The following CDC42SE2 variants were observed in gnomAD, a reference collection of about 807,000 sequenced individuals.
CDC42SE2 encodes the protein CDC42 small effector protein 2.
A neutral mutation model predicts 11.5 loss-of-function variants in CDC42SE2; 3 were observed. The observed-to-expected ratio is 0.26, with a 90% CI of 0.12 to 0.67. CDC42SE2 has a LOEUF of 0.67. Ranked by LOEUF, CDC42SE2 falls within the 30% of genes least tolerant of loss-of-function variation. CDC42SE2 has a pLI of 0.80. For synonymous variants in CDC42SE2, 33 were observed against 34.8 expected (o/e 0.95, Z 0.18); for missense variants, 82 against 106.8 (o/e 0.77, Z 1.02).
intron 2 of CDC42SE2, among the ~76,000 whole-genome samples, chr5:131,317,326 G>T (rs1580750488): frequency 6.6e-6 from 1 of 151,994 alleles, no homozygotes; most frequent in East Asian, 1.9e-4. Flanking sequence ...TCTAATAAAT[G>T]GAATTTCACT....
chr5:131,371,837 GTGAAACAAGCAGTGTTTCAGTATT>G (rs1750019776), intron 3 of CDC42SE2, among the ~76,000 whole-genome samples: 1 of 152,230 alleles, frequency 6.6e-6, no homozygotes, highest in Non-Finnish European at 1.5e-5. Context: ...ATAAGTTACA[GTGAAACAAGCAGTGTTTCAGTATT>G]TCAGAAAGCG....
Position 131,393,820 on chromosome 5 carries a change from T to TG in CDC42SE2, c.*2729_*2730insG, listed in dbSNP as rs1336464613. On this transcript the variant is annotated 3_prime_UTR_variant, in exon 5 of 5. Coordinates refer to ENST00000505065, the MANE Select transcript of CDC42SE2 (RefSeq NM_001375635.1). ...TTTAGTCTTTTTCCAAATCGCTGTTTTTTTTTTTTTTTTTTTTTTTTTTGC... is the reference window on the plus strand; with the variant it reads ...TTTAGTCTTTTTCCAAATCGCTGTTTGTTTTTTTTTTTTTTTTTTTTTTTGC... 1 of 123,290 alleles carries TG rather than the reference T, an allele frequency of 8.1e-6. No individual in the cohort carries two copies. The highest frequency in any genetic ancestry group is 1.6e-5 in the Non-Finnish European group (1 of 61,522). The allele number at this position is 123,290 out of a possible 1,614,324, so 7.6% of individuals were successfully genotyped here. A position where few individuals can be genotyped will look rare whatever the true frequency, so the allele number is the denominator to read the frequency against.
chr5:131,374,559 G>A (rs1750097498), intron 3 of CDC42SE2, among the ~76,000 whole-genome samples: 1 of 147,676 alleles, frequency 6.8e-6, no homozygotes. Flanking sequence ...AAGTTAAGCA[G>A]ACATTGTGTG....
At chr5:131,346,383 A>G (rs535053455) in intron 2 of CDC42SE2, among the ~76,000 whole-genome samples, 41 of 152,318 alleles carry the variant, frequency 2.7e-4, no homozygotes, top group Admixed American at 2.2e-3. Flanking sequence ...CTTTAAACCA[A>G]CAAAGATCAA....
chr5:131,314,681 A>G (rs1247826530), intron 1 of CDC42SE2, among the ~76,000 whole-genome samples: 2 of 152,188 alleles, frequency 1.3e-5, no homozygotes, highest in African/African-American at 4.8e-5. Flanking sequence ...TAATTTCGTT[A>G]TCAGAGTTAG....
chr5:131,278,718 TCCCCTC>T (rs1561569809), intron 1 of CDC42SE2, among the ~76,000 whole-genome samples: 14 of 32,862 alleles, frequency 4.3e-4, no homozygotes, highest in Non-Finnish European at 5.7e-4. Flanking sequence ...TCCTCTCCCC[TCCCCTC>T]CCCCCTCCCC....
At chr5:131,368,148 G>A (rs757777016) in intron 3 of CDC42SE2, among the ~76,000 whole-genome samples, 1 of 151,680 alleles carries the variant, frequency 6.6e-6, no homozygotes, top group African/African-American at 2.4e-5. Flanking sequence ...AGCTACTCAG[G>A]AGGCTGAGGC....
chr5:131,348,688 A>G (rs1022112800), intron 2 of CDC42SE2, among the ~76,000 whole-genome samples: 3 of 152,198 alleles, frequency 2.0e-5, no homozygotes, highest in Non-Finnish European at 2.9e-5. Context: ...TGCCTAGTCA[A>G]TCCTAAGCCA....
At chr5:131,232,526 G>A in the CDC42SE2 span, among the ~76,000 whole-genome samples, 1 of 151,662 alleles carries the variant, frequency 6.6e-6, no homozygotes, top group Non-Finnish European at 1.5e-5. Context: ...TAAGATCAGG[G>A]ATTTGAGACC....
intron 1 of CDC42SE2, among the ~76,000 whole-genome samples, chr5:131,283,404 A>G (rs1374788541): frequency 6.6e-6 from 1 of 152,166 alleles, no homozygotes; most frequent in Admixed American, 6.5e-5. Flanking sequence ...ATGTAAGTGG[A>G]ATCATGCGAT....
chr5:131,216,508 A>AAAAAAAAC, the CDC42SE2 span, among the ~76,000 whole-genome samples: 2 of 146,772 alleles, frequency 1.4e-5, no homozygotes, highest in African/African-American at 5.1e-5. Context: ...TCTCAAAAAA[A>AAAAAAAAC]AAAAAAAAAA....
At chr5:131,355,199 A>G (rs778016352) in intron 2 of CDC42SE2, among the ~76,000 whole-genome samples, 1 of 152,200 alleles carries the variant, frequency 6.6e-6, no homozygotes, top group African/African-American at 2.4e-5. Flanking sequence ...ACTTTCATAT[A>G]TATTAGCTAA....
At chr5:131,257,331 A>G (rs998868055) in intron 2 of CDC42SE2, among the ~76,000 whole-genome samples, 1 of 151,884 alleles carries the variant, frequency 6.6e-6, no homozygotes, top group African/African-American at 2.4e-5. Context: ...TCCTGATCTC[A>G]AGTGATCTGT....
At chr5:131,374,168 AC>A (rs750471504) in intron 3 of CDC42SE2, among the ~76,000 whole-genome samples, 4 of 152,192 alleles carry the variant, frequency 2.6e-5, no homozygotes, top group Admixed American at 6.5e-5. Flanking sequence ...ATGAAAAAGA[AC>A]CCATACTACT....
At chr5:131,278,512 G>T (rs553620071) in intron 1 of CDC42SE2, among the ~76,000 whole-genome samples, 31 of 122,670 alleles carry the variant, frequency 2.5e-4, no homozygotes, top group Middle Eastern at 4.7e-3. Flanking sequence ...CTCCATGTGT[G>T]ACATCATGTT....
intron 2 of CDC42SE2, among the ~76,000 whole-genome samples, chr5:131,322,111 A>G (rs1306300890): frequency 6.6e-6 from 1 of 152,194 alleles, no homozygotes; most frequent in Non-Finnish European, 1.5e-5. Context: ...CGGGCTCCCA[A>G]AGTGCTGGGA....
upstream of CDC42SE2, among the ~76,000 whole-genome samples, chr5:131,241,536 G>T (rs1281702097): frequency 6.6e-6 from 1 of 152,024 alleles, no homozygotes; most frequent in African/African-American, 2.4e-5. Context: ...AAGTCAACAA[G>T]TTACAATTGC....
chr5:131,361,149 G>T (rs1229796954), intron 3 of CDC42SE2, among the ~76,000 whole-genome samples: 1 of 147,520 alleles, frequency 6.8e-6, no homozygotes, highest in Admixed American at 6.9e-5. Context: ...GTCTCATTCT[G>T]TTGCCCAGGC....
chr5:131,223,817 C>T, the CDC42SE2 span, among the ~76,000 whole-genome samples: 1 of 152,180 alleles, frequency 6.6e-6, no homozygotes. Context: ...CTCAACTTTT[C>T]CTTTACCACT....
Sources: gnomAD v4.1 joint callset for allele counts (sites outside exome capture counted in the v4.1 genomes callset) on GRCh38, gnomAD v4.1.1 for gene constraint, MANE v1.5 for transcripts, NCBI Gene and HGNC (gene_info 2026-07-23, HGNC 2026-07-21) for gene names.